Variants in DNAAF9 observed in about 807,000 individuals in gnomAD.
DNAAF9 encodes the protein shulin.
A neutral mutation model predicts 167.0 loss-of-function variants in DNAAF9; 90 were observed. The observed-to-expected ratio is 0.54, with a 90% CI of 0.45 to 0.64. DNAAF9 has a LOEUF of 0.64. DNAAF9 is among the 30% of genes least tolerant of loss of function. The pLI, the probability that DNAAF9 is intolerant of heterozygous loss-of-function variation, is 0.00. For synonymous variants in DNAAF9, 491 were observed against 508.8 expected, an observed-to-expected ratio of 0.96 and a Z score of 0.47; for missense variants, 1,315 against 1,442.2, an observed-to-expected ratio of 0.91 and a Z score of 1.43.
chr20:3,346,022 A>T (rs931703065), intron 8 of DNAAF9, among the ~76,000 whole-genome samples: 2 of 152,204 alleles, frequency 1.3e-5, no homozygotes, highest in Non-Finnish European at 2.9e-5. Flanking sequence ...ATGGAAAAAC[A>T]ATATGTAAAC....
chr20:3,354,025 C>A (rs1363766024), intron 7 of DNAAF9, among the ~76,000 whole-genome samples: 1 of 152,150 alleles, frequency 6.6e-6, no homozygotes, highest in Non-Finnish European at 1.5e-5. Context: ...CACCAGCATT[C>A]TATATGAAAT....
intron 18 of DNAAF9, 90 bp downstream of exon 18, chr20:3,316,633 A>AC (rs2069504355): frequency 1.1e-6 from 1 of 875,034 alleles, no homozygotes; most frequent in Non-Finnish European, 1.9e-6. Flanking sequence ...CTGACATCCC[A>AC]CCAGGGGCCC....
Position 3,293,065 on chromosome 20 carries a change from G to A in DNAAF9, c.2238+1074C>T, listed in dbSNP as rs376291384. ...TGTGCCATTGCACTTCAGCCTAGGC[G>A]ACAGAGCAAGACTCAAAAAAAAAAA... On this transcript the variant is annotated intron_variant, in intron 25 of 36. Coordinates refer to ENST00000252032, the MANE Select transcript of DNAAF9 (RefSeq NM_001009984.3). Among the ~76,000 whole-genome samples, 414 of 150,460 alleles carry A rather than the reference G, an allele frequency of 2.8e-3. 1 individual carries two copies. The highest frequency in any genetic ancestry group is 9.5e-3 in the African/African-American group (389 of 40,858).
chr20:3,254,608 C>T (rs936131654), intron 35 of DNAAF9, among the ~76,000 whole-genome samples: 1 of 152,200 alleles, frequency 6.6e-6, no homozygotes, highest in African/African-American at 2.4e-5. Flanking sequence ...AAGGGGCCTC[C>T]TCAAATCCAA....
intron 8 of DNAAF9, 30 bp downstream of exon 8, chr20:3,348,495 T>C (rs1455438083): frequency 8.8e-7 from 1 of 1,142,474 alleles, no homozygotes; most frequent in Non-Finnish European, 1.3e-6. Flanking sequence ...AACCATTTTA[T>C]TCTTCCTCTT....
chr20:3,325,518 G>A (rs1209902055), intron 13 of DNAAF9, among the ~76,000 whole-genome samples: 3 of 152,230 alleles, frequency 2.0e-5, no homozygotes, highest in South Asian at 2.1e-4. Context: ...GTTCAGTGAG[G>A]AGGGGAGATG....
At chr20:3,318,838 G>C (rs1240788464) in intron 16 of DNAAF9, among the ~76,000 whole-genome samples, 1 of 152,074 alleles carries the variant, frequency 6.6e-6, no homozygotes. Flanking sequence ...CAACACTTTG[G>C]GAGGTTGAGG....
rs1600681634 is a variant in DNAAF9, at chr20:3,270,926, C to T, written c.2651-364G>A. Reference sequence around the variant, plus strand: ...CTCCAGGGTTCAAGCAATTCTCCTGCCTCAGCCTCTTGAGTAGCAGGAATT... The same window carrying T: ...CTCCAGGGTTCAAGCAATTCTCCTGTCTCAGCCTCTTGAGTAGCAGGAATT... On this transcript the variant is annotated intron_variant, in intron 29 of 36. Coordinates refer to ENST00000252032, the MANE Select transcript of DNAAF9 (RefSeq NM_001009984.3). 5.3e-5 allele frequency among the ~76,000 whole-genome samples: 8 copies of T among 151,966 alleles called. 2 individuals are homozygous for T. Among genetic ancestry groups the T allele is most frequent in the Admixed American group, 5.3e-4 (8 of 15,236 alleles).
rs572456737 is a variant in DNAAF9, at chr20:3,353,748, C to A, written c.691-5125G>T. 5.3e-5 allele frequency among the ~76,000 whole-genome samples: 8 copies of A among 151,424 alleles called. No individual in the cohort carries two copies. The East Asian group carries it at 5.9e-4, about 11-fold the overall frequency. On this transcript the variant is annotated intron_variant, in intron 7 of 36. Transcript: ENST00000252032. ...CACTTAAATGGCCTGCCTGGTGACA[C>A]CCATTTTGGTTTGGGTCTATGACAG... is the stretch of plus-strand genomic sequence containing the variant.
chr20:3,304,085 C>G (rs1307190018), intron 21 of DNAAF9, among the ~76,000 whole-genome samples: 1 of 152,180 alleles, frequency 6.6e-6, no homozygotes, highest in Non-Finnish European at 1.5e-5. Flanking sequence ...AGTGGGTGAG[C>G]CTTGAGCCCC....
intron 6 of DNAAF9, among the ~76,000 whole-genome samples, chr20:3,363,863 T>C (rs915217137): frequency 8.5e-5 from 13 of 152,220 alleles, no homozygotes; most frequent in Admixed American, 7.9e-4. Context: ...ATTAATCTCA[T>C]CTAGTATATT....
chr20:3,287,563 C>T lies in DNAAF9; in HGVS notation c.2486+69G>A. 2.0e-6 allele frequency: 3 copies of T among 1,479,010 alleles called. 1 individual carries two copies. In the Middle Eastern group the frequency reaches 5.2e-4, roughly 255 times the overall value. 91.6% of individuals were successfully genotyped at this position (1,479,010 alleles called of 1,614,324 possible). The stretch of plus-strand genomic sequence containing the variant: ...TGTTCTGTGCTCCAGGTTTGTTACA[C>T]ATAAAATAAGAGTAATGGCAAGGTC... On this transcript the variant is annotated intron_variant, in intron 27 of 36. Coordinates refer to ENST00000252032, the MANE Select transcript of DNAAF9 (RefSeq NM_001009984.3).
Position 3,298,048 on chromosome 20 carries a change from T to C in DNAAF9, c.1910A>G (p.Tyr637Cys). 6.2e-7 allele frequency: 1 copy of C among 1,613,330 alleles called. No homozygotes were observed. The highest frequency in any genetic ancestry group is 8.5e-7 in the Non-Finnish European group (1 of 1,179,230). ...TATTACCTCTGAGTAAAATGCTTGG[T>C]ATATCTTCGATTTGGGGAAAAGGGC... is the stretch of plus-strand genomic sequence containing the variant. ...MIALFPKSKI[Y>C]QAFYSEVFSL... Residue 637 changes from tyrosine to cysteine, a missense_variant, in exon 22 of 37, where the codon TAC (tyrosine) becomes TGC (cysteine). By Grantham distance (194) the Tyr-to-Cys change is radical. Transcript: ENST00000252032.
chr20:3,331,070 C>T (rs1239398590), intron 11 of DNAAF9, among the ~76,000 whole-genome samples: 3 of 151,976 alleles, frequency 2.0e-5, no homozygotes, highest in Non-Finnish European at 4.4e-5. Flanking sequence ...GGATTACAGG[C>T]GTGAGCCACC....
intron 21 of DNAAF9, among the ~76,000 whole-genome samples, chr20:3,298,436 G>A (rs557381466): frequency 1.3e-5 from 2 of 152,202 alleles, no homozygotes; most frequent in African/African-American, 4.8e-5. Flanking sequence ...TTCTACCTCA[G>A]CCCTTCAAGT....
In DNAAF9 at chr20:3,259,892, A is replaced by G. The variant is rs374798154; in HGVS notation, c.2980+30T>C. ...ATTAACTCTGGGACACCCTTTTTCC[A>G]GTGTCTAGGACATCTCAGTCAAGGC... On this transcript the variant is annotated intron_variant, in intron 32 of 36. Transcript: ENST00000252032. 9.4e-6 allele frequency: 12 copies of G among 1,272,764 alleles called. No individual in the cohort carries two copies. In the African/African-American group the frequency reaches 1.6e-4, roughly 17 times the overall value. The allele number at this position is 1,272,764 out of a possible 1,614,324, so 78.8% of individuals were successfully genotyped here.
intron 10 of DNAAF9, among the ~76,000 whole-genome samples, chr20:3,338,094 ACATACATACACACAC>A (rs2070000596): frequency 2.0e-5 from 3 of 150,164 alleles, no homozygotes; most frequent in Admixed American, 6.7e-5. Context: ...ATACACACAT[ACATACATACACACAC>A]ACATACATAA....
chr20:3,399,081 ATT>A (rs2083948308), intron 1 of DNAAF9, among the ~76,000 whole-genome samples: 1 of 152,094 alleles, frequency 6.6e-6, no homozygotes, highest in Non-Finnish European at 1.5e-5. Flanking sequence ...AATGATTTAA[ATT>A]TTCTCCCAGT....
At chr20:3,301,685 A>G (rs1448561432) in intron 21 of DNAAF9, among the ~76,000 whole-genome samples, 3 of 152,178 alleles carry the variant, frequency 2.0e-5, no homozygotes, top group Non-Finnish European at 2.9e-5. Flanking sequence ...CTTTAATACT[A>G]TATTAGTGTA....
Sources: allele counts gnomAD v4.1 joint callset (sites outside exome capture counted in the v4.1 genomes callset), GRCh38; gene constraint gnomAD v4.1.1; transcripts MANE v1.5; gene names NCBI Gene and HGNC (gene_info 2026-07-23, HGNC 2026-07-21).